WBP11: variants seen among roughly 807,000 people sequenced by gnomAD.
WBP11 encodes WW domain binding protein 11, also known as WW domain-binding protein 11.
In WBP11, 12 loss-of-function variants were observed where a neutral mutation model predicts 66.7. The ratio of observed to expected loss-of-function variants is 0.18; its 90% CI spans 0.12 to 0.29. WBP11 has a LOEUF of 0.29. Among genes scored for constraint, WBP11 ranks in the 10% least tolerant of loss-of-function variants. The pLI is 1.00. For synonymous variants in WBP11, 255 were observed against 273.8 expected, an observed-to-expected ratio of 0.93 and a Z score of 0.68; for missense variants, 555 against 818.3, an observed-to-expected ratio of 0.68 and a Z score of 3.93.
At chr12:14,792,866 G>A (rs796428113) in intron 8 of WBP11, among the ~76,000 whole-genome samples, 16 of 151,150 alleles carry the variant, frequency 1.1e-4, no homozygotes, top group African/African-American at 3.9e-4. Flanking sequence ...AAAAAAATCT[G>A]TAGGCAGAAT....
intron 1 of WBP11, 109 bp downstream of exon 1, chr12:14,803,243 G>A (rs148553825): frequency 2.5e-6 from 1 of 393,570 alleles, no homozygotes; most frequent in African/African-American, 2.1e-5. Context: ...CCTCAACCAG[G>A]GAGAGGAGGA....
At position 14,784,593 on chromosome 12, in the gene WBP11, A is replaced by G. The variant is rs1210676156; in HGVS notation, c.*2472T>C. On this transcript the variant is annotated 3_prime_UTR_variant, in exon 12 of 12. Transcript: ENST00000261167. ...TAACCCTTCCCAGCTATATATAAGG[A>G]GATATTTTAATCAAGAGCACAAACA... 1 of 152,232 alleles carries G rather than the reference A, an allele frequency of 6.6e-6. No individual in the cohort carries two copies. The highest frequency in any genetic ancestry group is 2.4e-5 in the African/African-American group (1 of 41,450). The allele number at this position is 152,232 out of a possible 1,614,324, so 9.4% of individuals were successfully genotyped here.
In WBP11 at chr12:14,794,685, T is replaced by A; in HGVS notation, c.573A>T (p.Pro191=). The A allele has an allele frequency of 6.2e-7, 1 of 1,605,376 alleles. No individual in the cohort carries two copies. The highest frequency in any genetic ancestry group is 8.5e-7 in the Non-Finnish European group (1 of 1,176,040). The change falls in exon 7 of 12, where the codon CCA becomes CCT. Residue 191 remains proline, a synonymous_variant. Transcript: ENST00000261167. The part of the protein sequence containing the change: ...SILPLLGHGV[P]RLPPGRKPPG... Reference sequence around the variant, plus strand: ...GAGGTTTTCTGCCAGGGGGCAAACGTGGAACACCATGTCCAAGAAGAGGAA... The same window carrying A: ...GAGGTTTTCTGCCAGGGGGCAAACGAGGAACACCATGTCCAAGAAGAGGAA...
intron 11 of WBP11, 131 bp from the exon 12 acceptor site, chr12:14,787,629 C>A: frequency 1.2e-6 from 1 of 828,506 alleles, no homozygotes. Context: ...AAGCTGAATT[C>A]ATATTGGTTG....
At position 14,803,438 on chromosome 12, in the gene WBP11, TCTCGGTCAACCC is replaced by T. The variant is rs1266542929; in HGVS notation, c.-144_-133del. 15 of 398,626 alleles carry T rather than the reference TCTCGGTCAACCC, an allele frequency of 3.8e-5. No homozygotes were observed. The highest frequency in any genetic ancestry group is 5.7e-5 in the Non-Finnish European group (13 of 226,186). The allele number at this position is 398,626 out of a possible 1,614,324, so 24.7% of individuals were successfully genotyped here. On this transcript the variant is annotated 5_prime_UTR_variant, in exon 1 of 12. Coordinates refer to ENST00000261167, the MANE Select transcript of WBP11 (RefSeq NM_016312.3). Reference sequence around the variant, plus strand: ...CTTCGTAAAGGCCTTCAACTGGGTCTCTCGGTCAACCCCTCAGCTACCGCCATCTTGAAACCT... The same window carrying T: ...CTTCGTAAAGGCCTTCAACTGGGTCTCTCAGCTACCGCCATCTTGAAACCT...
chr12:14,789,026 C>A lies in WBP11; in HGVS notation c.1417G>T (p.Gly473Cys). 6.7e-7 allele frequency: 1 copy of A among 1,497,600 alleles called. No individual in the cohort carries two copies. The highest frequency in any genetic ancestry group is 8.8e-7 in the Non-Finnish European group (1 of 1,137,218). 92.8% of individuals were successfully genotyped at this position (1,497,600 alleles called of 1,614,324 possible). The change falls in exon 11 of 12, where the codon GGT becomes TGT. Residue 473 changes from glycine to cysteine, a missense_variant. Around this residue, in one of 6 missense-constraint regions of WBP11, gnomAD observed 230 missense variants for 286.3 expected, o/e 0.80. Transcript: ENST00000261167. Reference protein sequence around the residue: ...PPGRPPGPPPGPPPGLPPGPP... With the variant: ...PPGRPPGPPPCPPPGLPPGPP... ...CCAGGAGGCAGACCTGGAGGTGGACCTGGGGGAGGGCCAGGGGGTCGGCCT... is the reference window on the plus strand; with the variant it reads ...CCAGGAGGCAGACCTGGAGGTGGACATGGGGGAGGGCCAGGGGGTCGGCCT...
chr12:14,797,067 T>C (rs1013074137), intron 4 of WBP11, 64 bp from the exon 5 acceptor site: 1 of 1,396,068 alleles, frequency 7.2e-7, no homozygotes, highest in Non-Finnish European at 9.5e-7. Flanking sequence ...TATCAATAGG[T>C]TACATGATAA....
intron 11 of WBP11, among the ~76,000 whole-genome samples, chr12:14,788,469 T>C: frequency 6.6e-6 from 1 of 151,262 alleles, no homozygotes; most frequent in South Asian, 2.1e-4. Context: ...TGTGTACCAC[T>C]GAGAGAGAGA....
Position 14,800,668 on chromosome 12 carries a change from T to C in WBP11, c.96+84A>G, listed in dbSNP as rs1949951632. ...TACCTTTTCTAGAAAATATTAGAAA[T>C]GTTATTCTGAAACCCACTAATCCCA... On this transcript the variant is annotated intron_variant, in intron 3 of 11. Transcript: ENST00000261167. The C allele has an allele frequency of 4.0e-6, 5 of 1,241,678 alleles. No homozygotes were observed. The South Asian group carries it at 5.3e-5, about 13-fold the overall frequency. 76.9% of individuals were successfully genotyped at this position (1,241,678 alleles called of 1,614,324 possible). A position where few individuals can be genotyped will look rare whatever the true frequency, so the allele number is the denominator to read the frequency against.
chr12:14,790,466 A>C lies in WBP11; in HGVS notation c.1299T>G (p.Gly433=), dbSNP rs1949807716. 3.7e-6 allele frequency: 6 copies of C among 1,613,668 alleles called. No homozygotes were observed. The highest frequency in any genetic ancestry group is 1.1e-5 in the South Asian group (1 of 91,076). The change falls in exon 10 of 12, where the codon GGT becomes GGG. Residue 433 remains glycine, a synonymous_variant. Transcript: ENST00000261167. The part of the protein sequence containing the change: ...PPGPPTGLPP[G]PPPGAPPFLR... ...TATGTAAGTGTTTACCTGGAGGTGGACCAGGAGGAAGGCCTGTAGGTGGCC... is the reference window on the plus strand; with the variant it reads ...TATGTAAGTGTTTACCTGGAGGTGGCCCAGGAGGAAGGCCTGTAGGTGGCC...
chr12:14,787,582 C>T, intron 11 of WBP11, 84 bp from the exon 12 acceptor site: 1 of 1,245,894 alleles, frequency 8.0e-7, no homozygotes, highest in Non-Finnish European at 1.0e-6. Context: ...TATTGGTTGC[C>T]AATTTTTAAA....
Position 14,794,955 on chromosome 12 carries a change from G to A in WBP11, c.521+16C>T. 6.2e-7 allele frequency: 1 copy of A among 1,612,036 alleles called. No individual in the cohort carries two copies. Among genetic ancestry groups the A allele is most frequent in the South Asian group, 1.1e-5 (1 of 90,972 alleles). Reference sequence around the variant, plus strand: ...CCTTTACTAAATGCTCTCTGATTGTGACACTGCTTCCTTACCCATAGGCTG... The same window carrying A: ...CCTTTACTAAATGCTCTCTGATTGTAACACTGCTTCCTTACCCATAGGCTG... On this transcript the variant is annotated intron_variant, in intron 6 of 11. Transcript: ENST00000261167.
chr12:14,797,799 C>A (rs754396773), intron 4 of WBP11, among the ~76,000 whole-genome samples: 2 of 152,190 alleles, frequency 1.3e-5, no homozygotes, highest in Non-Finnish European at 2.9e-5. Flanking sequence ...CTGCCTGTGG[C>A]CTTGTCTCTC....
At chr12:14,795,660 G>A (rs1328638562) in intron 5 of WBP11, among the ~76,000 whole-genome samples, 1 of 152,126 alleles carries the variant, frequency 6.6e-6, no homozygotes, top group Non-Finnish European at 1.5e-5. Flanking sequence ...AACCTGGGAG[G>A]CAGAGGTTGC....
Position 14,785,517 on chromosome 12 carries a change from C to T in WBP11, c.*1548G>A, listed in dbSNP as rs1053204124. ...CACCTGTGGACCCGTATTAATATTA[C>T]ACTAAAAAACCAACCCAAAACGGTC... On this transcript the variant is annotated 3_prime_UTR_variant, in exon 12 of 12. Coordinates refer to ENST00000261167, the MANE Select transcript of WBP11 (RefSeq NM_016312.3). 6 of 152,128 alleles carry T rather than the reference C, an allele frequency of 3.9e-5. No homozygotes were observed. Among genetic ancestry groups the T allele is most frequent in the Non-Finnish European group, 8.8e-5 (6 of 68,014 alleles). The allele number at this position is 152,128 out of a possible 1,614,324, so 9.4% of individuals were successfully genotyped here.
chr12:14,789,534 G>T (rs952433214), intron 10 of WBP11, among the ~76,000 whole-genome samples: 4 of 152,048 alleles, frequency 2.6e-5, no homozygotes, highest in African/African-American at 9.7e-5. Context: ...GTAGTGAGCT[G>T]AGATTGCGCC....
In WBP11 at chr12:14,789,718, A is replaced by G. The variant is rs1458644822; in HGVS notation, c.1310-585T>C. 4.6e-5 allele frequency among the ~76,000 whole-genome samples: 7 copies of G among 152,388 alleles called. No individual in the cohort carries two copies. The East Asian group carries it at 1.3e-3, about 29-fold the overall frequency. On this transcript the variant is annotated intron_variant, in intron 10 of 11. Transcript: ENST00000261167. ...AATGTTGGAAATATACAAAGGTGAT[A>G]AGAATTCTTAAATGGTTCCAGTATA...
intron 11 of WBP11, 116 bp downstream of exon 11, chr12:14,788,835 C>A: frequency 1.8e-6 from 1 of 560,640 alleles, no homozygotes; most frequent in Non-Finnish European, 2.9e-6. Context: ...ACTTAAAAAC[C>A]ACCACTGACT....
intron 7 of WBP11, among the ~76,000 whole-genome samples, chr12:14,794,265 A>C (rs1949861585): frequency 6.6e-6 from 1 of 152,222 alleles, no homozygotes; most frequent in Non-Finnish European, 1.5e-5. Flanking sequence ...AATAAAGCTA[A>C]AAGGGAACCA....
Sources: allele counts gnomAD v4.1 joint callset (sites outside exome capture counted in the v4.1 genomes callset), GRCh38; gene constraint gnomAD v4.1.1; regional missense constraint gnomAD v4.1.1; transcripts MANE v1.5; gene names NCBI Gene and HGNC (gene_info 2026-07-23, HGNC 2026-07-21).